The following TMEM165 variants were observed in gnomAD, a reference collection of about 807,000 sequenced individuals.
The protein encoded by TMEM165 is transmembrane protein 165.
A neutral mutation model predicts 30.0 loss-of-function variants in TMEM165; 19 were observed. The observed-to-expected ratio is 0.63, with a 90% confidence interval of 0.44 to 0.93. The LOEUF (loss-of-function observed/expected upper bound fraction) is 0.93. Ranked by LOEUF, TMEM165 falls within the 40% of genes least tolerant of loss-of-function variation. The pLI is 0.00. For synonymous variants in TMEM165, 168 were observed against 162.9 expected (o/e 1.03, Z -0.24); for missense variants, 340 against 417.0 (o/e 0.82, Z 1.61).
intron 4 of TMEM165, among the ~76,000 whole-genome samples, chr4:55,421,187 AAGAC>A (rs921768697): frequency 1.4e-4 from 20 of 141,664 alleles, no homozygotes; most frequent in African/African-American, 5.4e-4. Flanking sequence ...AAAAAAAAAA[AAGAC>A]GACTCAGTAT....
chr4:55,444,272 A>C (rs994840534), intron 3 of TMEM165, among the ~76,000 whole-genome samples: 2 of 152,212 alleles, frequency 1.3e-5, no homozygotes, highest in African/African-American at 4.8e-5. Context: ...TTTGAATCAT[A>C]CATACTGGTA....
At position 55,417,135 on chromosome 4, in the gene TMEM165, T is replaced by TA; in HGVS notation, c.498dup (p.Phe167IlefsTer7). On this transcript the variant is annotated frameshift_variant, in exon 3 of 6. Transcript: ENST00000381334. LOFTEE classifies it high-confidence loss of function. Reference sequence around the variant, plus strand: ...TATACATACTATGTTTCAACTGTATTATTTGCCATTTTTGGCATTAGAATG... The same window carrying TA: ...TATACATACTATGTTTCAACTGTATTAATTTGCCATTTTTGGCATTAGAATG... The TA allele has an allele frequency of 1.2e-6, 2 of 1,614,136 alleles. No homozygotes were observed. The highest frequency in any genetic ancestry group is 1.7e-6 in the Non-Finnish European group (2 of 1,180,008).
chr4:55,435,653 A>G, intron 3 of TMEM165: 1 of 1,538,174 alleles, frequency 6.5e-7, no homozygotes. Context: ...CCCACATAAT[A>G]GTTACTCACA....
chr4:55,419,731 G>C (rs1721887073), intron 4 of TMEM165, among the ~76,000 whole-genome samples: 1 of 151,766 alleles, frequency 6.6e-6, no homozygotes. Flanking sequence ...GAGTAAAATT[G>C]TTTCTAATTC....
chr4:55,453,168 C>A, exon 4 of TMEM165: 1 of 1,522,104 alleles, frequency 6.6e-7, no homozygotes, highest in South Asian at 1.1e-5. Flanking sequence ...AGTGTCTGGT[C>A]ATTCGTTTAA....
At position 55,425,588 on chromosome 4, in the gene TMEM165, T is replaced by G; in HGVS notation, c.*136T>G. 1 of 643,904 alleles carries G rather than the reference T, an allele frequency of 1.6e-6. No homozygotes were observed. The highest frequency in any genetic ancestry group is 2.6e-6 in the Non-Finnish European group (1 of 380,824). The allele number at this position is 643,904 out of a possible 1,614,324, so 39.9% of individuals were successfully genotyped here. A position where few individuals can be genotyped will look rare whatever the true frequency, so the allele number is the denominator to read the frequency against. Reference sequence around the variant, plus strand: ...ATTTTGTGAGTTTGACCCATTATTATGTCTGAGATATAATCATTGATTCTA... The same window carrying G: ...ATTTTGTGAGTTTGACCCATTATTAGGTCTGAGATATAATCATTGATTCTA... On this transcript the variant is annotated 3_prime_UTR_variant, in exon 6 of 6. Coordinates refer to ENST00000381334, the MANE Select transcript of TMEM165 (RefSeq NM_018475.5).
intron 4 of TMEM165, among the ~76,000 whole-genome samples, chr4:55,421,279 T>A (rs945744241): frequency 1.3e-5 from 2 of 150,430 alleles, no homozygotes; most frequent in African/African-American, 2.4e-5. Flanking sequence ...AGTGAATTTT[T>A]AAATATTTTC....
intron 1 of TMEM165, 101 bp from the exon 2 acceptor site, chr4:55,411,513 C>A: frequency 9.5e-7 from 1 of 1,048,526 alleles, no homozygotes; most frequent in South Asian, 1.5e-5. Flanking sequence ...AGTGTAATGA[C>A]CATGACAAGA....
downstream of TMEM165, chr4:55,428,853 A>G (rs564770246): frequency 9.2e-5 from 14 of 151,806 alleles, no homozygotes; most frequent in African/African-American, 3.4e-4. Context: ...TTTGGGCTTC[A>G]ATCTTTACAT....
chr4:55,427,226 T>TG (rs1722250878), downstream of TMEM165, among the ~76,000 whole-genome samples: 1 of 148,976 alleles, frequency 6.7e-6, no homozygotes, highest in East Asian at 2.0e-4. Flanking sequence ...GTAGAGATGA[T>TG]GGAGTTTCGC....
chr4:55,452,847 A>T (rs1724586789), exon 4 of TMEM165: 1 of 458,950 alleles, frequency 2.2e-6, no homozygotes, highest in Non-Finnish European at 3.9e-6. Context: ...TTTTGAGATC[A>T]GACACATCTC....
intron 4 of TMEM165, chr4:55,423,068 G>C (rs1722050394): frequency 6.6e-6 from 1 of 152,210 alleles, no homozygotes; most frequent in African/African-American, 2.4e-5. Flanking sequence ...TCAGCCTCCT[G>C]AATAGCTGGA....
intron 3 of TMEM165, among the ~76,000 whole-genome samples, chr4:55,441,455 C>T (rs957291176): frequency 1.1e-4 from 16 of 152,112 alleles, no homozygotes; most frequent in African/African-American, 3.9e-4. Flanking sequence ...GTACAGTTCA[C>T]AATTCCAAAG....
chr4:55,403,544 C>T (rs1412677633), intron 1 of TMEM165, among the ~76,000 whole-genome samples: 17 of 95,838 alleles, frequency 1.8e-4, no homozygotes, highest in Non-Finnish European at 3.1e-4. Flanking sequence ...AAAATTTTAA[C>T]TAGAAAAGAG....
intron 3 of TMEM165, chr4:55,443,586 T>C: frequency 1.1e-6 from 1 of 921,050 alleles, no homozygotes; most frequent in South Asian, 1.4e-5. Context: ...CTATTAAATT[T>C]TGAAATGATA....
intron 1 of TMEM165, among the ~76,000 whole-genome samples, 188 bp from the exon 2 acceptor site, chr4:55,411,426 G>A (rs951794641): frequency 6.6e-6 from 1 of 152,062 alleles, no homozygotes; most frequent in African/African-American, 2.4e-5. Context: ...TCAGGTAAGG[G>A]ATACTCAAAT....
At chr4:55,424,899 T>C (rs987798861) in intron 5 of TMEM165, 3 of 438,656 alleles carry the variant, frequency 6.8e-6, no homozygotes, top group African/African-American at 6.1e-5. Flanking sequence ...AGTAAAACAA[T>C]TGTCATTTGG....
intron 2 of TMEM165, among the ~76,000 whole-genome samples, chr4:55,413,031 G>A (rs1721579478): frequency 6.6e-6 from 1 of 151,794 alleles, no homozygotes; most frequent in South Asian, 2.1e-4. Context: ...TCAGGCTGGA[G>A]TGCAGTGGCA....
intron 3 of TMEM165, among the ~76,000 whole-genome samples, chr4:55,451,156 C>G (rs1392088432): frequency 6.6e-6 from 1 of 152,140 alleles, no homozygotes; most frequent in Non-Finnish European, 1.5e-5. Flanking sequence ...TTCCCCCATC[C>G]TGGAAAACTG....
Sources: gnomAD v4.1 joint callset for allele counts (sites outside exome capture counted in the v4.1 genomes callset) on GRCh38, gnomAD v4.1.1 for gene constraint, MANE v1.5 for transcripts, NCBI Gene and HGNC (gene_info 2026-07-23, HGNC 2026-07-21) for gene names.